GOLM2: variants seen among roughly 807,000 people sequenced by gnomAD.
The protein encoded by GOLM2 is golgi membrane protein 2.
In GOLM2, 26 loss-of-function variants were observed where a neutral mutation model predicts 55.9. That is an observed-to-expected ratio of 0.47 (90% confidence interval 0.34 to 0.65). The LOEUF is 0.65. GOLM2 is among the 30% of genes least tolerant of loss of function. The pLI is 0.01. For missense variants in GOLM2, 486 were observed against 531.8 expected (o/e 0.91, Z 0.85); for synonymous variants, 165 against 194.6 (o/e 0.85, Z 1.27).
chr15:44,394,550 G>A (rs896068637), intron 8 of GOLM2, among the ~76,000 whole-genome samples: 1 of 152,144 alleles, frequency 6.6e-6, no homozygotes, highest in Non-Finnish European at 1.5e-5. Flanking sequence ...ACTATATGCA[G>A]GGCCTATATC....
intron 6 of GOLM2, among the ~76,000 whole-genome samples, chr15:44,339,747 A>T (rs2079079115): frequency 6.6e-6 from 1 of 151,802 alleles, no homozygotes; most frequent in East Asian, 1.9e-4. Context: ...CTATCCATCC[A>T]CCTCAGCTTC....
At chr15:44,387,417 C>T (rs938894627) in intron 8 of GOLM2, 6 of 152,082 alleles carry the variant, frequency 3.9e-5, no homozygotes, top group African/African-American at 7.2e-5. Context: ...CATTGTAAAT[C>T]GAACTGTTTT....
chr15:44,411,132 C>T (rs2079636204), intron 9 of GOLM2, among the ~76,000 whole-genome samples: 1 of 150,500 alleles, frequency 6.6e-6, no homozygotes, highest in African/African-American at 2.4e-5. Flanking sequence ...AGCAATCCTC[C>T]TACCTCAGCC....
At chr15:44,392,425 C>A (rs987046350) in intron 8 of GOLM2, among the ~76,000 whole-genome samples, 8 of 151,918 alleles carry the variant, frequency 5.3e-5, no homozygotes, top group Admixed American at 4.6e-4. Flanking sequence ...GAGTTTGAGA[C>A]CAGCCTGGTC....
At chr15:44,369,214 G>A (rs1175999654) in intron 6 of GOLM2, among the ~76,000 whole-genome samples, 1 of 141,358 alleles carries the variant, frequency 7.1e-6, no homozygotes, top group Non-Finnish European at 1.5e-5. Flanking sequence ...ATATGTGTGT[G>A]TGTGTGTGTG....
chr15:44,376,105 T>G (rs1258304809), intron 6 of GOLM2, among the ~76,000 whole-genome samples: 1 of 152,156 alleles, frequency 6.6e-6, no homozygotes, highest in Non-Finnish European at 1.5e-5. Flanking sequence ...GCTTGGCGCA[T>G]GCCTATAATC....
intron 8 of GOLM2, among the ~76,000 whole-genome samples, chr15:44,389,511 G>A (rs1040528741): frequency 6.6e-6 from 1 of 152,162 alleles, no homozygotes; most frequent in Non-Finnish European, 1.5e-5. Context: ...TTAGACAACA[G>A]AGTGAGACCC....
chr15:44,361,761 C>G (rs1369033143), intron 6 of GOLM2, among the ~76,000 whole-genome samples: 2 of 152,270 alleles, frequency 1.3e-5, no homozygotes, highest in African/African-American at 4.8e-5. Context: ...AATTTTAGAC[C>G]AATATCCTTG....
At chr15:44,336,212 G>T (rs2079055571) in intron 4 of GOLM2, among the ~76,000 whole-genome samples, 1 of 151,846 alleles carries the variant, frequency 6.6e-6, no homozygotes, top group East Asian at 1.9e-4. Context: ...CGCCTCCCGG[G>T]TTTACGCCAT....
chr15:44,402,711 G>C, intron 8 of GOLM2, 176 bp from the exon 9 acceptor site: 1 of 465,748 alleles, frequency 2.1e-6, no homozygotes. Flanking sequence ...CATATTTTCA[G>C]AGTCTTCCCT....
chr15:44,364,050 G>C (rs2079264489), intron 6 of GOLM2, among the ~76,000 whole-genome samples: 1 of 151,652 alleles, frequency 6.6e-6, no homozygotes, highest in South Asian at 2.1e-4. Flanking sequence ...TTGTGGGGTG[G>C]GGGGAGCGGG....
chr15:44,292,484 C>T (rs1179286062), intron 1 of GOLM2, among the ~76,000 whole-genome samples: 8 of 152,140 alleles, frequency 5.3e-5, no homozygotes, highest in Non-Finnish European at 7.3e-5. Flanking sequence ...GCGTGAGCCA[C>T]CGCACCCGGC....
intron 6 of GOLM2, among the ~76,000 whole-genome samples, chr15:44,356,288 C>A (rs2079197864): frequency 6.6e-6 from 1 of 151,800 alleles, no homozygotes; most frequent in Non-Finnish European, 1.5e-5. Context: ...ATCAATGAAA[C>A]CAATAGCTGG....
Position 44,316,564 on chromosome 15 carries a change from G to A in GOLM2, c.328-6401G>A, listed in dbSNP as rs568986061. On this transcript the variant is annotated intron_variant, in intron 1 of 9. Transcript: ENST00000299957. Reference sequence around the variant, plus strand: ...AGGTCAGGAGTTCCAGACCAGCCTGGCCAACAGGGTGAAACCCCGTCTCTA... The same window carrying A: ...AGGTCAGGAGTTCCAGACCAGCCTGACCAACAGGGTGAAACCCCGTCTCTA... Among the ~76,000 whole-genome samples the A allele has an allele frequency of 2.0e-5, 3 of 152,118 alleles. No homozygotes were observed. The South Asian group carries it at 6.2e-4, about 32-fold the overall frequency.
intron 6 of GOLM2, among the ~76,000 whole-genome samples, chr15:44,351,419 A>G (rs1300955362): frequency 6.6e-6 from 1 of 151,692 alleles, no homozygotes; most frequent in East Asian, 1.9e-4. Flanking sequence ...TACTAAAAAT[A>G]ACAAAAAATT....
In GOLM2 at chr15:44,332,073, C is replaced by T; in HGVS notation, c.571C>T (p.Gln191Ter). ...GTTAGCAGACCAGTTTTTAGAGGAA[C>T]AAAAGGTAAATTTTAAAAATATACT... ...KKLADQFLEE[Q>*]KQETQKIQSN... The change falls in exon 4 of 10, where the codon CAA (glutamine) becomes TAA (stop). Residue 191 changes from glutamine (Q) to a stop codon, truncating the protein, a stop_gained. Transcript: ENST00000299957. LOFTEE classifies it high-confidence loss of function. 1 of 1,527,964 alleles carries T rather than the reference C, an allele frequency of 6.5e-7. No homozygotes were observed. The highest frequency in any genetic ancestry group is 1.2e-5 in the South Asian group (1 of 82,580). The allele number at this position is 1,527,964 out of a possible 1,614,324, so 94.7% of individuals were successfully genotyped here.
intron 9 of GOLM2, among the ~76,000 whole-genome samples, chr15:44,408,943 A>G (rs139507572): frequency 1.3e-5 from 2 of 151,500 alleles, no homozygotes; most frequent in Non-Finnish European, 2.9e-5. Context: ...AGCCTGGGCA[A>G]CAGAGCGAGA....
chr15:44,398,209 C>G (rs533237424), intron 8 of GOLM2, among the ~76,000 whole-genome samples: 18 of 152,384 alleles, frequency 1.2e-4, no homozygotes, highest in African/African-American at 4.3e-4. Context: ...CTTTCTAGAG[C>G]AGTGTGCAAT....
At chr15:44,314,559 CAAA>C (rs371029849) in intron 1 of GOLM2, among the ~76,000 whole-genome samples, 1 of 75,726 alleles carries the variant, frequency 1.3e-5, no homozygotes, top group Admixed American at 1.4e-4. Flanking sequence ...AACTCCATCT[CAAA>C]AAAAAAAAAA....
Sources: allele counts gnomAD v4.1 joint callset (sites outside exome capture counted in the v4.1 genomes callset), GRCh38; gene constraint gnomAD v4.1.1; transcripts MANE v1.5; gene names NCBI Gene and HGNC (gene_info 2026-07-23, HGNC 2026-07-21).